The following FBXL17 variants were observed in gnomAD, a reference collection of about 807,000 sequenced individuals.
FBXL17 encodes the protein F-box and leucine rich repeat protein 17.
FBXL17 carries 22 observed loss-of-function variants against 66.2 expected under a neutral mutation model. The ratio of observed to expected loss-of-function variants is 0.33; its 90% CI spans 0.24 to 0.47. FBXL17 has a LOEUF of 0.47. Among genes scored for constraint, FBXL17 ranks in the 20% least tolerant of loss-of-function variants. The probability of loss-of-function intolerance (pLI) is 1.00; values close to 1 mark genes in which losing one functional copy is unlikely to be tolerated. For synonymous variants in FBXL17, 474 were observed against 400.5 expected, an observed-to-expected ratio of 1.18 and a Z score of -2.19; for missense variants, 878 against 948.2, an observed-to-expected ratio of 0.93 and a Z score of 0.97.
chr5:107,890,104 G>T (rs1275288072), intron 7 of FBXL17, among the ~76,000 whole-genome samples: 1 of 152,112 alleles, frequency 6.6e-6, no homozygotes, highest in East Asian at 1.9e-4. Context: ...CTGGTTCAAT[G>T]ATTCTTTTTT....
Position 107,882,042 on chromosome 5 carries a change from C to T in FBXL17, c.1823-863G>A, listed in dbSNP as rs970285604. On this transcript the variant is annotated intron_variant, in intron 7 of 8. Transcript: ENST00000542267. ...CTACCGACTTTGATAAATGTGCCCA[C>T]CTTTATATTTAAGGAGCCCAGAAAA... 3.9e-5 allele frequency among the ~76,000 whole-genome samples: 6 copies of T among 152,294 alleles called. No homozygotes were observed. The East Asian group carries it at 1.2e-3, about 29-fold the overall frequency.
chr5:108,128,356 A>G (rs1380724841), intron 6 of FBXL17, among the ~76,000 whole-genome samples: 5 of 152,112 alleles, frequency 3.3e-5, no homozygotes, highest in African/African-American at 1.2e-4. Context: ...ATGGAGGCCA[A>G]TGTTCCTCAT....
intron 6 of FBXL17, among the ~76,000 whole-genome samples, chr5:108,178,037 T>A (rs1012508707): frequency 3.3e-5 from 5 of 151,294 alleles, no homozygotes; most frequent in African/African-American, 1.2e-4. Flanking sequence ...CGTATCTTAT[T>A]TTTTTTGAGA....
chr5:108,186,570 G>GGTGGATC (rs1177845631), intron 5 of FBXL17, among the ~76,000 whole-genome samples: 1 of 152,020 alleles, frequency 6.6e-6, no homozygotes, highest in Non-Finnish European at 1.5e-5. Flanking sequence ...AGGAGATCAA[G>GGTGGATC]ACCATCTTGG....
intron 4 of FBXL17, among the ~76,000 whole-genome samples, chr5:108,291,159 T>C (rs1335693013): frequency 6.6e-6 from 1 of 152,144 alleles, no homozygotes; most frequent in African/African-American, 2.4e-5. Flanking sequence ...GTGAAATAAA[T>C]GATATGAGTG....
chr5:108,381,591 G>C lies in FBXL17; in HGVS notation c.101C>G (p.Pro34Arg). 1 of 1,461,604 alleles carries C rather than the reference G, an allele frequency of 6.8e-7. No individual in the cohort carries two copies. Among genetic ancestry groups the C allele is most frequent in the Non-Finnish European group, 9.0e-7 (1 of 1,113,462 alleles). The allele number at this position is 1,461,604 out of a possible 1,614,324, so 90.5% of individuals were successfully genotyped here. A position where few individuals can be genotyped will look rare whatever the true frequency, so the allele number is the denominator to read the frequency against. Residue 34 changes from proline to arginine, a missense_variant, in exon 1 of 9, where the codon CCC (proline) becomes CGC (arginine). By Grantham distance (103) the Pro-to-Arg change is moderately radical. Transcript: ENST00000542267. ...CRRRRPLLRLPRRTPAKVPPQ... is the reference protein window; with the variant it reads ...CRRRRPLLRLRRRTPAKVPPQ... Reference sequence around the variant, plus strand: ...GGGCACCTTGGCTGGGGTCCGGCGGGGCAGCCTGAGGAGAGGGCGCCGGCG... The same window carrying C: ...GGGCACCTTGGCTGGGGTCCGGCGGCGCAGCCTGAGGAGAGGGCGCCGGCG...
At chr5:108,375,833 C>A (rs1749385493) in intron 1 of FBXL17, among the ~76,000 whole-genome samples, 1 of 152,022 alleles carries the variant, frequency 6.6e-6, no homozygotes, top group African/African-American at 2.4e-5. Flanking sequence ...AACTACAGAC[C>A]AATGTCCCTT....
chr5:107,915,816 T>C (rs1356061315), intron 7 of FBXL17, among the ~76,000 whole-genome samples: 1 of 152,220 alleles, frequency 6.6e-6, no homozygotes, highest in Admixed American at 6.5e-5. Context: ...TCGTTATTGC[T>C]AGTTCCTGCT....
chr5:108,156,807 G>A (rs1752013855), intron 6 of FBXL17, among the ~76,000 whole-genome samples: 1 of 151,746 alleles, frequency 6.6e-6, no homozygotes, highest in South Asian at 2.1e-4. Context: ...TTAAACTCGT[G>A]CTCTAATCTG....
chr5:108,336,675 T>C (rs1374077439), intron 4 of FBXL17, among the ~76,000 whole-genome samples: 1 of 152,124 alleles, frequency 6.6e-6, no homozygotes, highest in Non-Finnish European at 1.5e-5. Context: ...AAAATCCACT[T>C]TTAAGAAATC....
chr5:108,041,978 C>T (rs1747064234), intron 6 of FBXL17, among the ~76,000 whole-genome samples: 1 of 152,206 alleles, frequency 6.6e-6, no homozygotes, highest in East Asian at 1.9e-4. Context: ...TCACTGCAAC[C>T]TCTGCCTCCT....
At chr5:107,902,307 A>G (rs1229303359) in intron 7 of FBXL17, among the ~76,000 whole-genome samples, 1 of 152,214 alleles carries the variant, frequency 6.6e-6, no homozygotes, top group African/African-American at 2.4e-5. Flanking sequence ...ATAGGTTTAT[A>G]TGGGAGGAAA....
chr5:108,143,059 G>T (rs1751417030), intron 6 of FBXL17, among the ~76,000 whole-genome samples: 1 of 151,706 alleles, frequency 6.6e-6, no homozygotes, highest in East Asian at 1.9e-4. Flanking sequence ...AGGGATCTAG[G>T]TTGCATGCCC....
intron 4 of FBXL17, among the ~76,000 whole-genome samples, chr5:108,226,894 T>G (rs1755124194): frequency 6.6e-6 from 1 of 152,172 alleles, no homozygotes. Context: ...AAACTTGGAC[T>G]AGAATTTACA....
At chr5:108,219,468 C>T (rs1754754709) in intron 5 of FBXL17, among the ~76,000 whole-genome samples, 1 of 152,026 alleles carries the variant, frequency 6.6e-6, no homozygotes, top group Non-Finnish European at 1.5e-5. Context: ...GGTGGATCAC[C>T]TGAGGTCAGG....
At chr5:108,153,436 A>G (rs1295001676) in intron 6 of FBXL17, among the ~76,000 whole-genome samples, 2 of 152,258 alleles carry the variant, frequency 1.3e-5, no homozygotes, top group Non-Finnish European at 2.9e-5. Context: ...TCCACTTAAT[A>G]TAATGATACA....
At chr5:108,083,041 C>G (rs564143763) in intron 6 of FBXL17, among the ~76,000 whole-genome samples, 315 of 152,096 alleles carry the variant, frequency 2.1e-3, no homozygotes, top group Middle Eastern at 3.4e-3. Context: ...TTGCTGTTGT[C>G]CATGACTGAA....
chr5:108,342,643 C>T (rs980614593), intron 4 of FBXL17, among the ~76,000 whole-genome samples: 3 of 152,138 alleles, frequency 2.0e-5, no homozygotes, highest in African/African-American at 4.8e-5. Context: ...GGAATCTTAA[C>T]AGATCTGGGT....
At chr5:108,037,707 C>T (rs1248588796) in intron 6 of FBXL17, among the ~76,000 whole-genome samples, 1 of 152,024 alleles carries the variant, frequency 6.6e-6, no homozygotes, top group East Asian at 1.9e-4. Flanking sequence ...ACAGTGGGGG[C>T]AATAAGATCT....
Sources: gnomAD v4.1 joint callset for allele counts (sites outside exome capture counted in the v4.1 genomes callset) on GRCh38, gnomAD v4.1.1 for gene constraint, MANE v1.5 for transcripts, NCBI Gene and HGNC (gene_info 2026-07-23, HGNC 2026-07-21) for gene names.